SNTB2: variants seen among roughly 807,000 people sequenced by gnomAD.
SNTB2 encodes the protein syntrophin beta 2.
A neutral mutation model predicts 46.2 loss-of-function variants in SNTB2; 34 were observed. The ratio of observed to expected loss-of-function variants is 0.74; its 90% CI spans 0.56 to 0.98. SNTB2 has a LOEUF of 0.98. Ranked by LOEUF, SNTB2 falls within the 50% of genes least tolerant of loss-of-function variation. The probability of loss-of-function intolerance (pLI) is 0.00; values close to 1 mark genes in which losing one functional copy is unlikely to be tolerated. For synonymous variants in SNTB2, 290 were observed against 312.6 expected (o/e 0.93, Z 0.76); for missense variants, 603 against 731.4 (o/e 0.82, Z 2.02).
intron 1 of SNTB2, among the ~76,000 whole-genome samples, chr16:69,229,009 A>G (rs1488944513): frequency 3.9e-5 from 6 of 152,184 alleles, no homozygotes; most frequent in African/African-American, 1.4e-4. Context: ...GCTAATGCAA[A>G]TTCATTGTAG....
At chr16:69,246,440 A>G (rs1395221000) in intron 2 of SNTB2, among the ~76,000 whole-genome samples, 1 of 149,462 alleles carries the variant, frequency 6.7e-6, no homozygotes, top group Non-Finnish European at 1.5e-5. Flanking sequence ...AAGCTTTTTG[A>G]TGTGCTGCTG....
intron 1 of SNTB2, among the ~76,000 whole-genome samples, chr16:69,207,764 G>A (rs1166068667): frequency 6.6e-6 from 1 of 152,012 alleles, no homozygotes; most frequent in Non-Finnish European, 1.5e-5. Flanking sequence ...TCCAAGTGTA[G>A]CCTCTAATAC....
chr16:69,292,694 C>T (rs1965185398), intron 5 of SNTB2, among the ~76,000 whole-genome samples: 2 of 149,346 alleles, frequency 1.3e-5, no homozygotes. Context: ...CTCAGGTGAT[C>T]CACCCACCTC....
intron 4 of SNTB2, among the ~76,000 whole-genome samples, chr16:69,278,088 G>A (rs1282134489): frequency 6.6e-6 from 1 of 152,002 alleles, no homozygotes; most frequent in Non-Finnish European, 1.5e-5. Flanking sequence ...AGGCTGAGGT[G>A]GGAGGATCAC....
chr16:69,251,484 A>C (rs1207475146), intron 2 of SNTB2, among the ~76,000 whole-genome samples: 1 of 149,460 alleles, frequency 6.7e-6, no homozygotes, highest in Non-Finnish European at 1.5e-5. Context: ...AAAAAAAAAA[A>C]AAAAAAAAAC....
intron 5 of SNTB2, among the ~76,000 whole-genome samples, 184 bp from the exon 6 acceptor site, chr16:69,299,406 G>T (rs1003010184): frequency 5.3e-5 from 8 of 152,184 alleles, no homozygotes; most frequent in African/African-American, 1.9e-4. Flanking sequence ...CTCCCAAAGT[G>T]CTGGGATTAC....
chr16:69,257,534 C>A lies in SNTB2; in HGVS notation c.795-2516C>A, dbSNP rs185207770. Among the ~76,000 whole-genome samples the A allele has an allele frequency of 1.2e-3, 176 of 152,028 alleles. 1 individual carries two copies. The highest frequency in any genetic ancestry group is 2.1e-3 in the Non-Finnish European group (145 of 68,004). On this transcript the variant is annotated intron_variant, in intron 2 of 6. Coordinates refer to ENST00000336278, the MANE Select transcript of SNTB2 (RefSeq NM_006750.4). ...TGATCTCGGCTCACTGCAAGCTCCG[C>A]CTCCGGGTTCATGCCATTCTTCTGC...
intron 5 of SNTB2, among the ~76,000 whole-genome samples, chr16:69,294,091 G>A (rs540645182): frequency 3.3e-5 from 5 of 152,166 alleles, no homozygotes; most frequent in East Asian, 1.9e-4. Flanking sequence ...GCAGTGTCAC[G>A]AACATGGCTC....
intron 2 of SNTB2, among the ~76,000 whole-genome samples, chr16:69,247,750 A>G (rs1186444248): frequency 2.0e-5 from 3 of 152,192 alleles, no homozygotes; most frequent in Non-Finnish European, 4.4e-5. Flanking sequence ...AGATTAAATG[A>G]GATAGTACCT....
intron 5 of SNTB2, among the ~76,000 whole-genome samples, chr16:69,292,371 T>A (rs1274379303): frequency 0.069 from 3,043 of 43,876 alleles, 624 homozygotes; most frequent in African/African-American, 0.17. Flanking sequence ...TATATATATA[T>A]ATATATATTA....
chr16:69,269,526 AGAT>A (rs1964918668), intron 3 of SNTB2, among the ~76,000 whole-genome samples: 1 of 152,032 alleles, frequency 6.6e-6, no homozygotes, highest in Admixed American at 6.6e-5. Flanking sequence ...AAAAAAAAAA[AGAT>A]AGATGTTAAC....
chr16:69,265,423 TAAAG>T (rs2143104906), intron 3 of SNTB2, among the ~76,000 whole-genome samples: 1 of 152,242 alleles, frequency 6.6e-6, no homozygotes, highest in South Asian at 2.1e-4. Flanking sequence ...GATAATAAAA[TAAAG>T]AACCAGAAGT....
intron 4 of SNTB2, among the ~76,000 whole-genome samples, chr16:69,277,643 A>G (rs536930333): frequency 2.1e-4 from 32 of 152,230 alleles, no homozygotes; most frequent in Non-Finnish European, 4.7e-4. Flanking sequence ...CCCTTTTCCA[A>G]CTACATATTT....
intron 5 of SNTB2, among the ~76,000 whole-genome samples, chr16:69,296,453 G>T (rs1965224933): frequency 6.6e-6 from 1 of 151,760 alleles, no homozygotes; most frequent in South Asian, 2.1e-4. Context: ...GGTCGCGGTG[G>T]CTCATGCCTG....
At chr16:69,266,565 A>T (rs1339326395) in intron 3 of SNTB2, among the ~76,000 whole-genome samples, 1 of 152,210 alleles carries the variant, frequency 6.6e-6, no homozygotes. Context: ...TTGAAATTGA[A>T]CATTGCTCCT....
intron 5 of SNTB2, among the ~76,000 whole-genome samples, chr16:69,289,075 G>A (rs935319487): frequency 1.3e-5 from 2 of 151,964 alleles, no homozygotes; most frequent in African/African-American, 4.8e-5. Flanking sequence ...TTCGAGACCG[G>A]CCTGACCAAC....
intron 5 of SNTB2, among the ~76,000 whole-genome samples, chr16:69,299,079 C>T (rs994288866): frequency 2.0e-5 from 3 of 152,088 alleles, no homozygotes; most frequent in South Asian, 2.1e-4. Flanking sequence ...GGAATTAAAT[C>T]GAACAGATGT....
intron 1 of SNTB2, among the ~76,000 whole-genome samples, chr16:69,216,523 T>TAA (rs113736779): frequency 1.4e-5 from 2 of 140,092 alleles, no homozygotes; most frequent in African/African-American, 2.6e-5. Flanking sequence ...CCTCTACAAT[T>TAA]AAAAAAAAAA....
chr16:69,230,272 A>G (rs926067127), intron 1 of SNTB2: 5 of 152,152 alleles, frequency 3.3e-5, no homozygotes, highest in African/African-American at 1.2e-4. Flanking sequence ...ATACTGATCT[A>G]TATATACTTT....
Sources: gnomAD v4.1 joint callset for allele counts (sites outside exome capture counted in the v4.1 genomes callset) on GRCh38, gnomAD v4.1.1 for gene constraint, MANE v1.5 for transcripts, NCBI Gene and HGNC (gene_info 2026-07-23, HGNC 2026-07-21) for gene names.